WWOX: variants seen among roughly 807,000 people sequenced by gnomAD.
The protein encoded by WWOX is WW domain-containing oxidoreductase.
A neutral mutation model predicts 46.2 loss-of-function variants in WWOX; 69 were observed. That is an observed-to-expected ratio of 1.49 (90% CI 1.23 to 1.82). The LOEUF is 1.82. Among genes scored for constraint, WWOX ranks in the 40% most tolerant of loss-of-function variants. The pLI is 0.00. For synonymous variants in WWOX, 359 were observed against 202.6 expected (o/e 1.77, Z -6.56); for missense variants, 919 against 542.6 (o/e 1.69, Z -6.89).
At chr16:78,364,724 C>T (rs933971059) in intron 5 of WWOX, among the ~76,000 whole-genome samples, 4 of 152,174 alleles carry the variant, frequency 2.6e-5, no homozygotes, top group African/African-American at 9.7e-5. Flanking sequence ...TCCCTGCCAG[C>T]ATCTGTTAGT....
chr16:78,609,543 C>CA (rs2045848282), intron 8 of WWOX, among the ~76,000 whole-genome samples: 1 of 143,198 alleles, frequency 7.0e-6, no homozygotes, highest in East Asian at 2.1e-4. Flanking sequence ...TCTTTCTTTT[C>CA]TTTTTTTTTC....
At chr16:78,109,742 C>T (rs765370099) in intron 2 of WWOX, 36 bp from the exon 3 acceptor site, 9 of 1,613,226 alleles carry the variant, frequency 5.6e-6, no homozygotes, top group Middle Eastern at 1.7e-4. Flanking sequence ...TTTACTTCTC[C>T]CTGGCACCTG....
At chr16:78,603,858 G>C (rs920761905) in intron 8 of WWOX, among the ~76,000 whole-genome samples, 6 of 152,220 alleles carry the variant, frequency 3.9e-5, no homozygotes, top group African/African-American at 1.4e-4. Flanking sequence ...AAAATTAGAA[G>C]CTGGCTGACA....
intron 8 of WWOX, among the ~76,000 whole-genome samples, chr16:78,880,545 A>C (rs1384600009): frequency 6.6e-6 from 1 of 152,272 alleles, no homozygotes; most frequent in Non-Finnish European, 1.5e-5. Context: ...ACATTAAACA[A>C]ACTGCAATCT....
In WWOX at chr16:78,993,198, T is replaced by G. The variant is rs79692918; in HGVS notation, c.1057-218410T>G. ...GTTAACTTGTAGCAATGAGTTTCTG[T>G]GACAAAGGGAAATCAGTTTGTTTGC... is the stretch of plus-strand genomic sequence containing the variant. On this transcript the variant is annotated intron_variant, in intron 8 of 8. Coordinates refer to ENST00000566780, the MANE Select transcript of WWOX (RefSeq NM_016373.4). 8.9e-3 allele frequency among the ~76,000 whole-genome samples: 1,344 copies of G among 150,982 alleles called. 26 individuals carry two copies. Among genetic ancestry groups the G allele is most frequent in the African/African-American group, 0.031 (1,271 of 40,990 alleles).
intron 8 of WWOX, among the ~76,000 whole-genome samples, chr16:78,625,225 G>C (rs905217038): frequency 6.6e-6 from 1 of 152,116 alleles, no homozygotes; most frequent in African/African-American, 2.4e-5. Context: ...TTAGGCTGGG[G>C]TCACCGGGGT....
At chr16:79,009,159 C>T (rs574238364) in intron 8 of WWOX, among the ~76,000 whole-genome samples, 1 of 152,160 alleles carries the variant, frequency 6.6e-6, no homozygotes, top group East Asian at 1.9e-4. Context: ...CTAAAAAGGC[C>T]CATTCACTAG....
chr16:78,695,868 T>C (rs886687365), intron 8 of WWOX, among the ~76,000 whole-genome samples: 1 of 152,162 alleles, frequency 6.6e-6, no homozygotes, highest in African/African-American at 2.4e-5. Flanking sequence ...TGTCATTCCT[T>C]AAAGGGGCTG....
chr16:78,678,532 G>C (rs897458767), intron 8 of WWOX, among the ~76,000 whole-genome samples: 1 of 152,150 alleles, frequency 6.6e-6, no homozygotes, highest in Non-Finnish European at 1.5e-5. Flanking sequence ...TGGGCAAGGC[G>C]GAGATCCAGT....
intron 5 of WWOX, among the ~76,000 whole-genome samples, chr16:78,279,900 G>A (rs1222825897): frequency 1.3e-5 from 2 of 152,228 alleles, no homozygotes; most frequent in African/African-American, 2.4e-5. Flanking sequence ...AGGTGTGAGT[G>A]CATAGGGAAA....
rs1015276286 is a variant in WWOX at position 78,707,791 on chromosome 16, G to A, written c.1056+275039G>A. On this transcript the variant is annotated intron_variant, in intron 8 of 8. Transcript: ENST00000566780. The stretch of plus-strand genomic sequence containing the variant: ...CCAGCTAGTTGGGAGGCTGAGGCAG[G>A]AGAACTGCACTCTAGCCTGTGCTAG... Among the ~76,000 whole-genome samples the A allele has an allele frequency of 3.3e-5, 5 of 151,736 alleles. 1 individual carries two copies. The highest frequency in any genetic ancestry group is 1.2e-4 in the African/African-American group (5 of 41,276).
At chr16:78,202,604 C>T (rs1216630311) in intron 5 of WWOX, among the ~76,000 whole-genome samples, 1 of 152,138 alleles carries the variant, frequency 6.6e-6, no homozygotes, top group South Asian at 2.1e-4. Flanking sequence ...CAGCTTTTAA[C>T]ATTTTAAAAA....
At chr16:79,121,971 T>C (rs1164664654) in intron 8 of WWOX, among the ~76,000 whole-genome samples, 1 of 152,078 alleles carries the variant, frequency 6.6e-6, no homozygotes, top group Non-Finnish European at 1.5e-5. Flanking sequence ...GCTACGGATT[T>C]AATATAGCGT....
At chr16:78,741,868 C>T (rs1297213931) in intron 8 of WWOX, among the ~76,000 whole-genome samples, 1 of 152,190 alleles carries the variant, frequency 6.6e-6, no homozygotes, top group East Asian at 1.9e-4. Flanking sequence ...TAAATACATA[C>T]ATACAACATA....
chr16:78,203,139 G>A (rs1567424943), intron 5 of WWOX, among the ~76,000 whole-genome samples: 2 of 152,116 alleles, frequency 1.3e-5, no homozygotes, highest in African/African-American at 2.4e-5. Flanking sequence ...GCTGGATGGT[G>A]GGGAAGAAAG....
At chr16:79,130,490 C>T (rs994579711) in intron 8 of WWOX, among the ~76,000 whole-genome samples, 3 of 152,012 alleles carry the variant, frequency 2.0e-5, no homozygotes, top group African/African-American at 7.2e-5. Context: ...GAGAAGATGT[C>T]CTTTGAGCTG....
At chr16:78,764,390 T>C (rs1008282061) in intron 8 of WWOX, among the ~76,000 whole-genome samples, 1 of 151,092 alleles carries the variant, frequency 6.6e-6, no homozygotes, top group African/African-American at 2.4e-5. Context: ...CCAGGCCCAC[T>C]TGGAGGCATT....
chr16:78,501,597 T>C lies in WWOX; in HGVS notation c.1056+68845T>C, dbSNP rs113160287. On this transcript the variant is annotated intron_variant, in intron 8 of 8. Coordinates refer to ENST00000566780, the MANE Select transcript of WWOX (RefSeq NM_016373.4). ...TGTCACCCAGGCTGGAGTGCAGTGG[T>C]GGGATCTTGGCTCACTGCAACCTCT... Among the ~76,000 whole-genome samples, 1,339 of 151,732 alleles carry C rather than the reference T, an allele frequency of 8.8e-3. 21 individuals are homozygous for C. Among genetic ancestry groups the C allele is most frequent in the African/African-American group, 0.03 (1,260 of 41,372 alleles).
chr16:78,315,507 G>A (rs2151879071), intron 5 of WWOX, among the ~76,000 whole-genome samples: 1 of 152,022 alleles, frequency 6.6e-6, no homozygotes, highest in East Asian at 1.9e-4. Flanking sequence ...AAAATTGGCT[G>A]GGCATGGTGG....
Sources: allele counts gnomAD v4.1 joint callset (sites outside exome capture counted in the v4.1 genomes callset), GRCh38; gene constraint gnomAD v4.1.1; transcripts MANE v1.5; gene names NCBI Gene and HGNC (gene_info 2026-07-23, HGNC 2026-07-21).